Variants in FBXW11 observed in about 807,000 individuals in gnomAD.
FBXW11 encodes the protein F-box and WD repeat domain containing 11.
In FBXW11, 19 loss-of-function variants were observed where a neutral mutation model predicts 77.6. The ratio of observed to expected loss-of-function variants is 0.24; its 90% CI spans 0.17 to 0.36. The LOEUF (loss-of-function observed/expected upper bound fraction) is 0.36. FBXW11 is among the 10% of genes least tolerant of loss of function. The probability of loss-of-function intolerance (pLI) is 1.00; values close to 1 mark genes in which losing one functional copy is unlikely to be tolerated. For synonymous variants in FBXW11, 235 were observed against 249.4 expected (o/e 0.94, Z 0.54); for missense variants, 334 against 704.2 (o/e 0.47, Z 5.95).
intron 2 of FBXW11, among the ~76,000 whole-genome samples, chr5:171,921,921 CAG>C (rs1409861596): frequency 6.6e-6 from 1 of 152,000 alleles, no homozygotes; most frequent in Non-Finnish European, 1.5e-5. Flanking sequence ...TAAAATTTTT[CAG>C]AGACAGGGTC....
chr5:171,940,618 G>A (rs1052964159), intron 2 of FBXW11, among the ~76,000 whole-genome samples: 17 of 152,116 alleles, frequency 1.1e-4, no homozygotes, highest in Admixed American at 1.0e-3. Flanking sequence ...GGCTGGGTGC[G>A]GTGGCTCATG....
At chr5:171,996,482 C>T (rs1213120804) in intron 1 of FBXW11, among the ~76,000 whole-genome samples, 1 of 152,132 alleles carries the variant, frequency 6.6e-6, no homozygotes, top group African/African-American at 2.4e-5. Context: ...GTCTGGGCAA[C>T]ATGGTGAGAC....
intron 1 of FBXW11, among the ~76,000 whole-genome samples, chr5:171,985,869 T>C (rs1765411369): frequency 1.3e-5 from 2 of 152,048 alleles, no homozygotes; most frequent in Non-Finnish European, 2.9e-5. Flanking sequence ...ATAGCTTACG[T>C]CCAGGAGGTC....
chr5:171,999,652 T>C (rs1054700234), intron 1 of FBXW11, among the ~76,000 whole-genome samples: 1 of 152,082 alleles, frequency 6.6e-6, no homozygotes, highest in Non-Finnish European at 1.5e-5. Flanking sequence ...TGTTCTCCAG[T>C]TAACTCCTAA....
chr5:171,868,474 C>A (rs1757555193), intron 13 of FBXW11, 136 bp downstream of exon 13: 1 of 642,862 alleles, frequency 1.6e-6, no homozygotes, highest in Non-Finnish European at 2.7e-6. Context: ...CAGCCTTACA[C>A]TTGAACTCTG....
chr5:171,945,110 A>T (rs1762939373), intron 2 of FBXW11, among the ~76,000 whole-genome samples: 1 of 152,226 alleles, frequency 6.6e-6, no homozygotes, highest in African/African-American at 2.4e-5. Flanking sequence ...ACAAACATGG[A>T]ATATAATTTC....
chr5:171,909,598 T>A (rs565401154), intron 4 of FBXW11, among the ~76,000 whole-genome samples: 1 of 152,348 alleles, frequency 6.6e-6, no homozygotes, highest in Non-Finnish European at 1.5e-5. Context: ...GGGAATTCTC[T>A]GCATTTTCCC....
intron 4 of FBXW11, among the ~76,000 whole-genome samples, chr5:171,909,727 A>G (rs894953255): frequency 2.0e-5 from 3 of 152,164 alleles, no homozygotes; most frequent in Non-Finnish European, 4.4e-5. Context: ...GCGTGCATGT[A>G]CACACCTATG....
At chr5:171,935,091 C>T (rs971691678) in intron 2 of FBXW11, among the ~76,000 whole-genome samples, 20 of 152,162 alleles carry the variant, frequency 1.3e-4, no homozygotes, top group African/African-American at 4.6e-4. Flanking sequence ...GCAGCTGGGA[C>T]TACAGGCGCC....
chr5:172,003,893 A>G (rs1038479824), intron 1 of FBXW11, among the ~76,000 whole-genome samples: 1 of 152,240 alleles, frequency 6.6e-6, no homozygotes, highest in African/African-American at 2.4e-5. Flanking sequence ...ACTTTGGAAC[A>G]GCAAATGAAA....
chr5:172,006,176 G>A (rs1766753450), intron 1 of FBXW11, among the ~76,000 whole-genome samples: 2 of 152,234 alleles, frequency 1.3e-5, no homozygotes, highest in South Asian at 2.1e-4. Flanking sequence ...TAAGTCTACA[G>A]CATAAACGAG....
intron 1 of FBXW11, 56 bp downstream of exon 1, chr5:172,006,402 G>A (rs763334977): frequency 3.4e-6 from 5 of 1,469,942 alleles, no homozygotes; most frequent in Middle Eastern, 3.5e-4. Flanking sequence ...GAGGTGGGCA[G>A]GCCCGCCCGG....
At chr5:171,983,846 T>C (rs572605368) in intron 1 of FBXW11, among the ~76,000 whole-genome samples, 2 of 152,282 alleles carry the variant, frequency 1.3e-5, no homozygotes, top group African/African-American at 4.8e-5. Context: ...TACCTTAGAA[T>C]TGCTGTCCAC....
At chr5:171,906,091 A>T (rs1760498196) in intron 4 of FBXW11, among the ~76,000 whole-genome samples, 1 of 152,226 alleles carries the variant, frequency 6.6e-6, no homozygotes, top group Non-Finnish European at 1.5e-5. Flanking sequence ...TCAAAACTCA[A>T]ATGTCAATTA....
intron 2 of FBXW11, among the ~76,000 whole-genome samples, chr5:171,952,447 A>ATTTTTTTTTTTTTTT (rs1164383563): frequency 7.2e-4 from 5 of 6,948 alleles, no homozygotes; most frequent in Non-Finnish European, 1.6e-3. Context: ...ATATATATAT[A>ATTTTTTTTTTTTTTT]TTTTTTTTTT....
At chr5:171,965,542 A>T (rs184921274) in intron 1 of FBXW11, among the ~76,000 whole-genome samples, 1,831 of 152,024 alleles carry the variant, frequency 0.012, 13 homozygotes, top group Non-Finnish European at 0.018. Context: ...ATAAAAAAAA[A>T]AAAAAAAAGA....
In FBXW11 at chr5:171,935,939, C is replaced by T. The variant is rs144390972; in HGVS notation, c.148-21534G>A. Among the ~76,000 whole-genome samples the T allele has an allele frequency of 9.3e-3, 1,408 of 151,672 alleles. 25 individuals are homozygous for T. Among genetic ancestry groups the T allele is most frequent in the African/African-American group, 0.032 (1,340 of 41,362 alleles). On this transcript the variant is annotated intron_variant, in intron 2 of 13. Transcript: ENST00000517395. ...AAGCCTGACCAATATGGTGAACCCC[C>T]ATCTCTACTAAAAATACAAAAATTA...
rs181092771 is a variant in FBXW11, at chr5:171,997,657, A to G, written c.45+8801T>C. Among the ~76,000 whole-genome samples the G allele has an allele frequency of 1.4e-3, 206 of 152,324 alleles. 1 individual carries two copies. Among genetic ancestry groups the G allele is most frequent in the Non-Finnish European group, 1.7e-3 (118 of 68,026 alleles). On this transcript the variant is annotated intron_variant, in intron 1 of 13. Coordinates refer to ENST00000517395, the MANE Select transcript of FBXW11 (RefSeq NM_001378974.1). ...CAGTCCCGTACAATGGCCAATGATC[A>G]CGTAAACTGGGAAAAATCATAAAGA... is the stretch of plus-strand genomic sequence containing the variant.
At chr5:171,952,432 TATATATATATATATA>T (rs1345849741) in intron 2 of FBXW11, among the ~76,000 whole-genome samples, 5 of 14,448 alleles carry the variant, frequency 3.5e-4, no homozygotes, top group Non-Finnish European at 7.2e-4. Flanking sequence ...CATATATATA[TATATATATATATATA>T]TTTTTTTTTT....
Sources: allele counts gnomAD v4.1 joint callset (sites outside exome capture counted in the v4.1 genomes callset), GRCh38; gene constraint gnomAD v4.1.1; transcripts MANE v1.5; gene names NCBI Gene and HGNC (gene_info 2026-07-23, HGNC 2026-07-21).